The following ENPP6 variants were observed in gnomAD, a reference collection of about 807,000 sequenced individuals.
ENPP6 encodes ectonucleotide pyrophosphatase/phosphodiesterase 6, also known as glycerophosphocholine cholinephosphodiesterase ENPP6.
A neutral mutation model predicts 42.0 loss-of-function variants in ENPP6; 32 were observed. The observed-to-expected ratio is 0.76, with a 90% CI of 0.58 to 1.02. The LOEUF (loss-of-function observed/expected upper bound fraction) is 1.02, where lower values mean the gene tolerates loss of function less well. ENPP6 is among the 50% of genes least tolerant of loss of function. The probability of loss-of-function intolerance (pLI) is 0.00; values close to 1 mark genes in which losing one functional copy is unlikely to be tolerated. For synonymous variants in ENPP6, 213 were observed against 216.0 expected (o/e 0.99, Z 0.12); for missense variants, 552 against 566.8 (o/e 0.97, Z 0.27).
chr4:184,182,447 T>C (rs1238519852), intron 1 of ENPP6, among the ~76,000 whole-genome samples: 3 of 152,168 alleles, frequency 2.0e-5, no homozygotes, highest in African/African-American at 7.2e-5. Context: ...TGGAAGATAG[T>C]GTGGCGATTC....
Position 184,153,115 on chromosome 4 carries a change from A to G in ENPP6, c.421+439T>C, listed in dbSNP as rs141637409. Among the ~76,000 whole-genome samples, 1,315 of 144,608 alleles carry G rather than the reference A, an allele frequency of 9.1e-3. 17 individuals carry two copies. Among genetic ancestry groups the G allele is most frequent in the African/African-American group, 0.032 (1,242 of 39,142 alleles). 94.9% of individuals were successfully genotyped at this position (144,608 alleles called of 152,430 possible). ...TTTTTCAAAAATGTGCCCATAAGAC[A>G]TATTTCTTTTCTTTTTCTTTTTTTT... On this transcript the variant is annotated intron_variant, in intron 2 of 7. Transcript: ENST00000296741.
At chr4:184,155,749 CA>C (rs1226332480) in intron 1 of ENPP6, among the ~76,000 whole-genome samples, 1 of 152,192 alleles carries the variant, frequency 6.6e-6, no homozygotes, top group Non-Finnish European at 1.5e-5. Context: ...AGGCTGCATA[CA>C]AGGAAGCATG....
intron 5 of ENPP6, among the ~76,000 whole-genome samples, chr4:184,114,416 A>T (rs2075443286): frequency 6.6e-6 from 1 of 152,034 alleles, no homozygotes. Context: ...TCAACTCTGT[A>T]AAATAATGTA....
chr4:184,154,295 G>A (rs17486871), intron 1 of ENPP6, among the ~76,000 whole-genome samples: 16,719 of 152,248 alleles, frequency 0.11, 1,110 homozygotes, highest in Admixed American at 0.15. Flanking sequence ...CAAATGCAGT[G>A]TTATACAGAA....
chr4:184,151,969 C>T (rs538786509), intron 2 of ENPP6, among the ~76,000 whole-genome samples: 7 of 152,328 alleles, frequency 4.6e-5, no homozygotes, highest in African/African-American at 1.2e-4. Flanking sequence ...AGGTGTCTTG[C>T]GTCAGCCGAG....
At chr4:184,148,767 T>G (rs17075361) in intron 2 of ENPP6, among the ~76,000 whole-genome samples, 2,314 of 152,356 alleles carry the variant, frequency 0.015, 66 homozygotes, top group African/African-American at 0.051. Context: ...GATACTTTGA[T>G]GAGTTTTTAA....
chr4:184,167,573 C>T (rs1022730055), intron 1 of ENPP6, among the ~76,000 whole-genome samples: 1 of 152,216 alleles, frequency 6.6e-6, no homozygotes, highest in African/African-American at 2.4e-5. Flanking sequence ...ACGAACCCAT[C>T]AGTCAACCAT....
At chr4:184,165,084 T>C (rs956835784) in intron 1 of ENPP6, among the ~76,000 whole-genome samples, 1 of 152,188 alleles carries the variant, frequency 6.6e-6, no homozygotes, top group East Asian at 1.9e-4. Context: ...GTGGAAGGTC[T>C]TGGGGCTGAG....
At chr4:184,172,915 G>T (rs868808791) in intron 1 of ENPP6, among the ~76,000 whole-genome samples, 2 of 152,038 alleles carry the variant, frequency 1.3e-5, no homozygotes, top group African/African-American at 2.4e-5. Context: ...TTGTTTGTTT[G>T]TTTGTGTGTT....
intron 1 of ENPP6, among the ~76,000 whole-genome samples, chr4:184,209,716 G>A: frequency 6.8e-6 from 1 of 147,702 alleles, no homozygotes; most frequent in Non-Finnish European, 1.5e-5. Flanking sequence ...CCAACGTTCA[G>A]ATTCAGGAAA....
At chr4:184,094,616 A>C (rs1735865308) in intron 7 of ENPP6, among the ~76,000 whole-genome samples, 1 of 152,256 alleles carries the variant, frequency 6.6e-6, no homozygotes. Context: ...TCAGACATGG[A>C]CAGAGAGTCC....
At chr4:184,167,126 T>TA (rs1312907925) in intron 1 of ENPP6, among the ~76,000 whole-genome samples, 1 of 152,232 alleles carries the variant, frequency 6.6e-6, no homozygotes, top group Non-Finnish European at 1.5e-5. Context: ...TTTCTTTCTT[T>TA]ATTTTTTGAG....
chr4:184,214,105 C>T (rs1209433093), intron 1 of ENPP6, among the ~76,000 whole-genome samples: 26 of 112,926 alleles, frequency 2.3e-4, no homozygotes, highest in Admixed American at 8.6e-4. Flanking sequence ...TGGGGGGAGG[C>T]GGGAGGGATA....
At chr4:184,183,057 A>C (rs1732581032) in intron 1 of ENPP6, among the ~76,000 whole-genome samples, 1 of 152,222 alleles carries the variant, frequency 6.6e-6, no homozygotes, top group Non-Finnish European at 1.5e-5. Context: ...ACAAATTATG[A>C]AATCTGAAGG....
chr4:184,146,757 C>T (rs1220773861), intron 2 of ENPP6, among the ~76,000 whole-genome samples: 1 of 152,194 alleles, frequency 6.6e-6, no homozygotes, highest in Non-Finnish European at 1.5e-5. Flanking sequence ...ATGGGGCCCT[C>T]ATCAGATGGC....
intron 6 of ENPP6, among the ~76,000 whole-genome samples, chr4:184,106,040 GTT>G (rs10563321): frequency 0.6 from 85,593 of 141,476 alleles, 25,256 homozygotes; most frequent in East Asian, 0.83. Context: ...ATACCAAGTT[GTT>G]TTTTTTTTTT....
rs72699703 is a variant in ENPP6, at chr4:184,149,928, T to C, written c.421+3626A>G. On this transcript the variant is annotated intron_variant, in intron 2 of 7. Transcript: ENST00000296741. ...ATTCTCTGCTTTGGGTTCTTTCCAA[T>C]ATGAAGTGAATGTTGGAGTCTTTTC... is the stretch of plus-strand genomic sequence containing the variant. Among the ~76,000 whole-genome samples the C allele has an allele frequency of 3.3e-3, 510 of 152,270 alleles. 2 individuals carry two copies. The highest frequency in any genetic ancestry group is 5.4e-3 in the Non-Finnish European group (364 of 68,028).
At chr4:184,136,551 A>G (rs1194448277) in intron 2 of ENPP6, among the ~76,000 whole-genome samples, 1 of 151,818 alleles carries the variant, frequency 6.6e-6, no homozygotes, top group Non-Finnish European at 1.5e-5. Flanking sequence ...CTATCTCTAT[A>G]TTTTCTATGG....
intron 6 of ENPP6, among the ~76,000 whole-genome samples, chr4:184,099,254 C>A (rs1177411612): frequency 6.6e-6 from 1 of 152,232 alleles, no homozygotes; most frequent in African/African-American, 2.4e-5. Flanking sequence ...TGTCACCTTG[C>A]ACTTCACATC....
Sources: allele counts gnomAD v4.1 joint callset (sites outside exome capture counted in the v4.1 genomes callset), GRCh38; gene constraint gnomAD v4.1.1; transcripts MANE v1.5; gene names NCBI Gene and HGNC (gene_info 2026-07-23, HGNC 2026-07-21).